Variants in CCDC7 observed in about 807,000 individuals in gnomAD.
The protein encoded by CCDC7 is coiled-coil domain-containing protein 7.
Under a neutral mutation model 196.9 loss-of-function variants are expected in CCDC7, and 183 were observed. The observed-to-expected ratio is 0.93, with a 90% CI of 0.82 to 1.05. CCDC7 has a LOEUF of 1.05. Ranked by LOEUF, CCDC7 falls within the 50% of genes least tolerant of loss-of-function variation. The pLI is 0.00. For missense variants in CCDC7, 1,540 were observed against 1,482.2 expected, an observed-to-expected ratio of 1.04 and a Z score of -0.64; for synonymous variants, 525 against 484.6, an observed-to-expected ratio of 1.08 and a Z score of -1.10.
chr10:32,767,382 C>A (rs2078479787), intron 28 of CCDC7, among the ~76,000 whole-genome samples: 1 of 152,146 alleles, frequency 6.6e-6, no homozygotes, highest in East Asian at 1.9e-4. Context: ...TTTCAGGGAG[C>A]CAAGTGGTAT....
intron 8 of CCDC7, among the ~76,000 whole-genome samples, chr10:32,480,005 C>T (rs1197534230): frequency 6.6e-6 from 1 of 151,918 alleles, no homozygotes; most frequent in African/African-American, 2.4e-5. Context: ...TAAATGTTCA[C>T]AGTAGTCTTT....
chr10:32,528,779 TTATTCC>T (rs1453895345), intron 11 of CCDC7, among the ~76,000 whole-genome samples: 23 of 149,298 alleles, frequency 1.5e-4, no homozygotes, highest in South Asian at 4.2e-4. Context: ...TACACACACA[TTATTCC>T]ATGGAATACT....
At chr10:32,628,655 A>G (rs972754144) in intron 18 of CCDC7, among the ~76,000 whole-genome samples, 7 of 151,880 alleles carry the variant, frequency 4.6e-5, no homozygotes, top group Non-Finnish European at 7.4e-5. Context: ...TTTCTCTTAG[A>G]ACTGCTTTTG....
In CCDC7 at chr10:32,685,145, T is replaced by C. The variant is rs556745666; in HGVS notation, c.2123-825T>C. Among the ~76,000 whole-genome samples the C allele has an allele frequency of 5.9e-5, 9 of 152,116 alleles. No homozygotes were observed. The South Asian group carries it at 1.9e-3, about 32-fold the overall frequency. On this transcript the variant is annotated intron_variant, in intron 21 of 41. Transcript: ENST00000639629. ...AAAGCTAAGTATCTTTCTAATTTCCTTTCTTTCTTTTTTTTAATCCTTCTT... is the reference window on the plus strand; with the variant it reads ...AAAGCTAAGTATCTTTCTAATTTCCCTTCTTTCTTTTTTTTAATCCTTCTT...
chr10:32,651,938 G>A (rs1407950909), intron 20 of CCDC7, among the ~76,000 whole-genome samples: 1 of 152,178 alleles, frequency 6.6e-6, no homozygotes, highest in African/African-American at 2.4e-5. Flanking sequence ...TGTCCAAGAT[G>A]GCAATGCTTC....
At chr10:32,464,070 C>T (rs2036265112) in intron 5 of CCDC7, among the ~76,000 whole-genome samples, 1 of 152,114 alleles carries the variant, frequency 6.6e-6, no homozygotes, top group Non-Finnish European at 1.5e-5. Context: ...TACTTTTACT[C>T]TTCTTTTGCA....
At chr10:32,519,742 T>C (rs1351151720) in intron 11 of CCDC7, among the ~76,000 whole-genome samples, 1 of 152,112 alleles carries the variant, frequency 6.6e-6, no homozygotes, top group Non-Finnish European at 1.5e-5. Context: ...GTTATACTTT[T>C]TTAGTTATTC....
At chr10:32,702,270 G>A (rs934868018) in intron 24 of CCDC7, among the ~76,000 whole-genome samples, 9 of 151,904 alleles carry the variant, frequency 5.9e-5, no homozygotes, top group African/African-American at 1.5e-4. Flanking sequence ...CCTTCATTTC[G>A]TTGTGTACCT....
intron 13 of CCDC7, among the ~76,000 whole-genome samples, chr10:32,563,519 T>C (rs1178836003): frequency 6.6e-6 from 1 of 152,182 alleles, no homozygotes; most frequent in Non-Finnish European, 1.5e-5. Flanking sequence ...ATCTGATCTT[T>C]GACAAACCTG....
intron 11 of CCDC7, among the ~76,000 whole-genome samples, chr10:32,535,314 A>G (rs1349067844): frequency 1.3e-5 from 2 of 152,140 alleles, no homozygotes; most frequent in Non-Finnish European, 2.9e-5. Context: ...GGTAATTATT[A>G]TTAAGCTAAT....
chr10:32,505,305 C>T (rs1009484862), intron 9 of CCDC7, among the ~76,000 whole-genome samples: 78 of 151,988 alleles, frequency 5.1e-4, no homozygotes, highest in African/African-American at 1.9e-3. Context: ...ACAAAGGTCT[C>T]TGGTTTTCCT....
In CCDC7 at chr10:32,728,928, C is replaced by T. The variant is rs1410523801; in HGVS notation, c.2710C>T (p.Gln904Ter). The change falls in exon 27 of 42, where the codon CAA becomes TAA. Residue 904 changes from glutamine (Q) to a stop codon, truncating the protein, a stop_gained. Transcript: ENST00000639629. LOFTEE classifies it high-confidence loss of function. ...AAATGAAAATGTGATTTCTGTTCAT[C>T]AAGATTCAAAGTCAAAACTCCAAAT... The T allele has an allele frequency of 1.9e-6, 3 of 1,608,790 alleles. No homozygotes were observed. The African/African-American group carries it at 4.0e-5, about 22-fold the overall frequency.
intron 32 of CCDC7, among the ~76,000 whole-genome samples, chr10:32,827,341 G>T (rs2091277003): frequency 1.3e-5 from 2 of 152,108 alleles, no homozygotes; most frequent in Admixed American, 1.3e-4. Context: ...GTACCTGGTG[G>T]CAGGTGGCAG....
At chr10:32,654,546 T>A (rs1564982076) in intron 20 of CCDC7, among the ~76,000 whole-genome samples, 2 of 152,200 alleles carry the variant, frequency 1.3e-5, no homozygotes, top group South Asian at 4.1e-4. Flanking sequence ...TTGTTGTTTG[T>A]AACTACTGAA....
chr10:32,815,265 C>T (rs983339948), intron 31 of CCDC7, among the ~76,000 whole-genome samples: 9 of 151,996 alleles, frequency 5.9e-5, no homozygotes, highest in African/African-American at 1.9e-4. Context: ...GAGTCCTACA[C>T]GTTAGATTTA....
chr10:32,614,256 T>C (rs975892810), intron 18 of CCDC7, among the ~76,000 whole-genome samples: 3 of 152,006 alleles, frequency 2.0e-5, no homozygotes, highest in African/African-American at 2.4e-5. Context: ...TTTTCTTTTT[T>C]TTTTTGCTTT....
intron 28 of CCDC7, among the ~76,000 whole-genome samples, chr10:32,776,897 C>CT (rs199591134): frequency 0.02 from 2,978 of 151,254 alleles, 97 homozygotes; most frequent in African/African-American, 0.068. Context: ...ACTATGTGTA[C>CT]TTTTTTTTTA....
chr10:32,505,820 T>G (rs2947088), intron 9 of CCDC7, among the ~76,000 whole-genome samples: 130,053 of 142,200 alleles, frequency 0.91, 60,165 homozygotes, highest in South Asian at 0.99. Context: ...GGGCAGAGGC[T>G]CTCCTCACTT....
chr10:32,705,995 C>T (rs1448079151), intron 24 of CCDC7, among the ~76,000 whole-genome samples: 1 of 152,148 alleles, frequency 6.6e-6, no homozygotes, highest in Admixed American at 6.5e-5. Context: ...GAACTTTCCA[C>T]CACAAATCAA....
Sources: gnomAD v4.1 joint callset for allele counts (sites outside exome capture counted in the v4.1 genomes callset) on GRCh38, gnomAD v4.1.1 for gene constraint, MANE v1.5 for transcripts, NCBI Gene and HGNC (gene_info 2026-07-23, HGNC 2026-07-21) for gene names.